The following CCSER1 variants were observed in gnomAD, a reference collection of about 807,000 sequenced individuals.
CCSER1 encodes serine-rich coiled-coil domain-containing protein 1.
CCSER1 carries 41 observed loss-of-function variants against 82.0 expected under a neutral mutation model. The observed-to-expected ratio is 0.50, with a 90% confidence interval of 0.39 to 0.65. CCSER1 has a LOEUF of 0.65. Among genes scored for constraint, CCSER1 ranks in the 30% least tolerant of loss-of-function variants. The probability of loss-of-function intolerance (pLI) is 0.00; values close to 1 mark genes in which losing one functional copy is unlikely to be tolerated. For synonymous variants in CCSER1, 414 were observed against 383.9 expected (o/e 1.08, Z -0.92); for missense variants, 1,119 against 1,064.2 (o/e 1.05, Z -0.72).
At chr4:90,243,124 T>C (rs1720706587) in intron 1 of CCSER1, among the ~76,000 whole-genome samples, 1 of 150,424 alleles carries the variant, frequency 6.6e-6, no homozygotes, top group Non-Finnish European at 1.5e-5. Context: ...AGTGTAGTGG[T>C]GTGGTCATAG....
At chr4:91,584,936 CTTT>C (rs1399876299) in intron 10 of CCSER1, among the ~76,000 whole-genome samples, 1 of 151,290 alleles carries the variant, frequency 6.6e-6, no homozygotes, top group Admixed American at 6.6e-5. Flanking sequence ...TCTGAATTGC[CTTT>C]TATTATGTAT....
intron 6 of CCSER1, among the ~76,000 whole-genome samples, chr4:90,691,624 GTA>G (rs35870382): frequency 0.16 from 24,558 of 150,762 alleles, 2,149 homozygotes; most frequent in Middle Eastern, 0.26. Context: ...GTATATATGT[GTA>G]TGTATATATA....
At chr4:90,353,481 A>G (rs1404490883) in intron 3 of CCSER1, among the ~76,000 whole-genome samples, 1 of 152,198 alleles carries the variant, frequency 6.6e-6, no homozygotes, top group African/African-American at 2.4e-5. Context: ...ACAGCTATAA[A>G]CTCTGAAAAT....
intron 10 of CCSER1, among the ~76,000 whole-genome samples, chr4:91,090,142 C>G (rs2148824514): frequency 6.6e-6 from 1 of 152,266 alleles, no homozygotes; most frequent in Non-Finnish European, 1.5e-5. Context: ...TTTCAGGGGG[C>G]CATTCATCAT....
At chr4:91,549,740 C>T (rs551690882) in intron 10 of CCSER1, among the ~76,000 whole-genome samples, 1 of 152,200 alleles carries the variant, frequency 6.6e-6, no homozygotes, top group Admixed American at 6.5e-5. Context: ...GGGACTGAGG[C>T]AGAAGGATCG....
chr4:90,490,434 A>T (rs576717142), intron 5 of CCSER1, among the ~76,000 whole-genome samples: 297 of 152,118 alleles, frequency 2.0e-3, no homozygotes, highest in Middle Eastern at 3.4e-3. Context: ...CCTTTGTGAG[A>T]TGAGTAGATT....
chr4:90,189,511 T>G (rs1480815034), intron 1 of CCSER1, among the ~76,000 whole-genome samples: 2 of 151,886 alleles, frequency 1.3e-5, no homozygotes, highest in Non-Finnish European at 2.9e-5. Context: ...TATATATGTA[T>G]ATATAGATGT....
At chr4:90,978,579 T>TA (rs1735817837) in intron 9 of CCSER1, among the ~76,000 whole-genome samples, 1 of 150,846 alleles carries the variant, frequency 6.6e-6, no homozygotes, top group African/African-American at 2.5e-5. Flanking sequence ...ACATAGCTTC[T>TA]CAATATGAAA....
chr4:90,855,082 G>A (rs937879577), intron 8 of CCSER1, among the ~76,000 whole-genome samples: 2 of 152,034 alleles, frequency 1.3e-5, no homozygotes, highest in Non-Finnish European at 2.9e-5. Context: ...AACAGCAAGA[G>A]GAAGTCTGCC....
intron 5 of CCSER1, among the ~76,000 whole-genome samples, chr4:90,618,117 G>A (rs113431716): frequency 0.012 from 1,874 of 151,924 alleles, 38 homozygotes; most frequent in African/African-American, 0.043. Flanking sequence ...GATTAATGTA[G>A]GTTTTATTAA....
chr4:91,416,380 A>G (rs184727452), intron 10 of CCSER1, among the ~76,000 whole-genome samples: 1 of 152,300 alleles, frequency 6.6e-6, no homozygotes, highest in East Asian at 1.9e-4. Flanking sequence ...GGAACCAAAA[A>G]AGAGCCTGAA....
At chr4:90,293,249 A>G (rs1255245675) in intron 1 of CCSER1, among the ~76,000 whole-genome samples, 2 of 151,792 alleles carry the variant, frequency 1.3e-5, no homozygotes, top group Non-Finnish European at 2.9e-5. Context: ...ATTGATATAT[A>G]TATGAGTGTG....
chr4:90,598,698 A>G (rs1482277583), intron 5 of CCSER1, among the ~76,000 whole-genome samples: 10 of 152,172 alleles, frequency 6.6e-5, no homozygotes, highest in Non-Finnish European at 7.4e-5. Context: ...AGACACTCCA[A>G]TTCAGGAGAT....
At chr4:90,132,509 A>G (rs1722976375) in intron 1 of CCSER1, among the ~76,000 whole-genome samples, 1 of 152,208 alleles carries the variant, frequency 6.6e-6, no homozygotes, top group Non-Finnish European at 1.5e-5. Flanking sequence ...TATGAAGCTT[A>G]AACTGAATAT....
At chr4:90,465,125 A>T (rs914916264) in intron 4 of CCSER1, among the ~76,000 whole-genome samples, 1 of 151,084 alleles carries the variant, frequency 6.6e-6, no homozygotes, top group Non-Finnish European at 1.5e-5. Context: ...CACCACATCC[A>T]GCTAATTTTT....
At chr4:90,983,795 T>C (rs1490248113) in intron 9 of CCSER1, among the ~76,000 whole-genome samples, 1 of 151,836 alleles carries the variant, frequency 6.6e-6, no homozygotes, top group Non-Finnish European at 1.5e-5. Flanking sequence ...CTAGTGAGAA[T>C]ATTTCATCTT....
chr4:90,508,328 A>G (rs981562340), intron 5 of CCSER1, among the ~76,000 whole-genome samples: 4 of 152,066 alleles, frequency 2.6e-5, no homozygotes, highest in Non-Finnish European at 5.9e-5. Context: ...ATGTCCTTCA[A>G]CAATCTGGTT....
chr4:91,588,572 CA>C (rs971773431), intron 10 of CCSER1, among the ~76,000 whole-genome samples: 3 of 151,614 alleles, frequency 2.0e-5, no homozygotes, highest in African/African-American at 7.3e-5. Flanking sequence ...GATATTACTT[CA>C]ATTCCCAGCT....
At chr4:91,336,722 TAAG>T (rs755699499) in intron 10 of CCSER1, among the ~76,000 whole-genome samples, 3 of 152,108 alleles carry the variant, frequency 2.0e-5, no homozygotes, top group Non-Finnish European at 2.9e-5. Context: ...CTAATAGACT[TAAG>T]AACTCTCTTT....
Sources: allele counts gnomAD v4.1 joint callset (sites outside exome capture counted in the v4.1 genomes callset), GRCh38; gene constraint gnomAD v4.1.1; transcripts MANE v1.5; gene names NCBI Gene and HGNC (gene_info 2026-07-23, HGNC 2026-07-21).